Variants in LPP observed in about 807,000 individuals in gnomAD.
LPP encodes the protein lipoma-preferred partner.
A neutral mutation model predicts 60.4 loss-of-function variants in LPP; 38 were observed. The ratio of observed to expected loss-of-function variants is 0.63; its 90% confidence interval spans 0.49 to 0.83. The LOEUF is 0.83. LPP is among the 40% of genes least tolerant of loss of function. LPP has a pLI of 0.00. For missense variants in LPP, 902 were observed against 783.6 expected (o/e 1.15, Z -1.80); for synonymous variants, 328 against 290.8 (o/e 1.13, Z -1.30).
chr3:188,282,837 T>C (rs9839229), intron 2 of LPP, among the ~76,000 whole-genome samples: 87,350 of 151,984 alleles, frequency 0.57, 25,653 homozygotes, highest in Middle Eastern at 0.64. Flanking sequence ...CTTTCAGAGA[T>C]ACTTTCATAC....
chr3:188,754,892 T>C (rs1729631187), intron 8 of LPP, among the ~76,000 whole-genome samples: 1 of 152,218 alleles, frequency 6.6e-6, no homozygotes, highest in Admixed American at 6.5e-5. Flanking sequence ...GTTATCTTTT[T>C]GGGCCTTCAG....
intron 2 of LPP, among the ~76,000 whole-genome samples, chr3:188,284,159 A>G (rs1408542072): frequency 2.6e-5 from 4 of 151,858 alleles, no homozygotes; most frequent in African/African-American, 9.7e-5. Context: ...TGAGAGGCCA[A>G]GGTGGGCAAA....
At chr3:188,612,567 C>A (rs193130232) in intron 7 of LPP, among the ~76,000 whole-genome samples, 1 of 152,198 alleles carries the variant, frequency 6.6e-6, no homozygotes, top group Admixed American at 6.5e-5. Context: ...ACCATCTTTA[C>A]TAATTAATTA....
Position 188,828,321 on chromosome 3 carries a change from C to A in LPP, c.1411-37879C>A, listed in dbSNP as rs1166364083. 2.0e-5 allele frequency among the ~76,000 whole-genome samples: 3 copies of A among 151,684 alleles called. No individual in the cohort carries two copies. The East Asian group carries it at 5.8e-4, about 29-fold the overall frequency. ...GGCAGCCTGAGCTGGAATTAGAACC[C>A]CAGCTGCATGCAGTGGCTCATGCCT... On this transcript the variant is annotated intron_variant, in intron 9 of 11. Transcript: ENST00000617246.
chr3:188,351,368 G>C (rs1413356321), intron 3 of LPP, among the ~76,000 whole-genome samples: 1 of 152,176 alleles, frequency 6.6e-6, no homozygotes, highest in Non-Finnish European at 1.5e-5. Flanking sequence ...TGCATAGTTA[G>C]TGGCAGTTCT....
chr3:188,674,165 A>G (rs1857511090), intron 7 of LPP, among the ~76,000 whole-genome samples: 1 of 152,160 alleles, frequency 6.6e-6, no homozygotes. Flanking sequence ...ATACTTGGTT[A>G]AGTTTTCACA....
At chr3:188,439,856 G>C (rs1427313724) in intron 4 of LPP, among the ~76,000 whole-genome samples, 1 of 152,064 alleles carries the variant, frequency 6.6e-6, no homozygotes, top group Non-Finnish European at 1.5e-5. Flanking sequence ...ATAGGCTGTG[G>C]GCCTGTCCTA....
At chr3:188,803,460 T>G (rs1194323707) in intron 9 of LPP, among the ~76,000 whole-genome samples, 1 of 152,208 alleles carries the variant, frequency 6.6e-6, no homozygotes, top group Non-Finnish European at 1.5e-5. Context: ...TACTTTTAGG[T>G]GTTTTATTGT....
At chr3:188,814,171 G>A (rs1017519115) in intron 9 of LPP, among the ~76,000 whole-genome samples, 7 of 152,112 alleles carry the variant, frequency 4.6e-5, no homozygotes, top group African/African-American at 9.7e-5. Flanking sequence ...CTTCTCAATA[G>A]CATGTTAATA....
At chr3:188,859,038 G>A (rs910159375) in intron 9 of LPP, among the ~76,000 whole-genome samples, 53 of 145,108 alleles carry the variant, frequency 3.7e-4, no homozygotes, top group Admixed American at 3.1e-3. Flanking sequence ...GCAGTGAGCC[G>A]AGATCGCGCC....
At chr3:188,503,814 T>C (rs1317623882) in intron 5 of LPP, among the ~76,000 whole-genome samples, 3 of 152,336 alleles carry the variant, frequency 2.0e-5, no homozygotes, top group South Asian at 2.1e-4. Context: ...ATAATTTTAT[T>C]GAGGATCCCT....
chr3:188,636,697 G>A (rs563636427), intron 7 of LPP, among the ~76,000 whole-genome samples: 4 of 151,956 alleles, frequency 2.6e-5, no homozygotes, highest in South Asian at 2.1e-4. Context: ...CTCCCAGCAC[G>A]CAGCTGGAGA....
chr3:188,692,248 T>G (rs1259830253), intron 7 of LPP, among the ~76,000 whole-genome samples: 1 of 152,214 alleles, frequency 6.6e-6, no homozygotes, highest in African/African-American at 2.4e-5. Context: ...GCCTCATATA[T>G]GGGTTGACTT....
intron 6 of LPP, among the ~76,000 whole-genome samples, chr3:188,565,301 A>G (rs902712440): frequency 6.6e-6 from 1 of 151,984 alleles, no homozygotes; most frequent in African/African-American, 2.4e-5. Flanking sequence ...CACAGAGAGA[A>G]ATTTATAAAG....
intron 9 of LPP, among the ~76,000 whole-genome samples, chr3:188,815,760 C>T (rs1464516970): frequency 6.6e-6 from 1 of 152,160 alleles, no homozygotes; most frequent in Non-Finnish European, 1.5e-5. Context: ...AGTCTATTTT[C>T]CTTTAATCTG....
At chr3:188,671,304 A>T (rs1416291925) in intron 7 of LPP, among the ~76,000 whole-genome samples, 1 of 152,184 alleles carries the variant, frequency 6.6e-6, no homozygotes, top group Non-Finnish European at 1.5e-5. Context: ...ATTTTGGCAT[A>T]TTATCCCTTG....
chr3:188,184,220 G>A (rs995195952), intron 1 of LPP, among the ~76,000 whole-genome samples: 1 of 152,194 alleles, frequency 6.6e-6, no homozygotes, highest in Non-Finnish European at 1.5e-5. Context: ...AGGCTCTGAA[G>A]GATTTGATTT....
intron 9 of LPP, among the ~76,000 whole-genome samples, chr3:188,770,168 CTTTTTTTTTTT>C (rs57278260): frequency 5.1e-4 from 33 of 64,630 alleles, no homozygotes; most frequent in African/African-American, 1.3e-3. Flanking sequence ...AGTTATAATT[CTTTTTTTTTTT>C]TTTTTTTTTT....
intron 8 of LPP, chr3:188,743,672 A>G (rs1725197753): frequency 6.6e-6 from 1 of 152,168 alleles, no homozygotes; most frequent in African/African-American, 2.4e-5. Flanking sequence ...AAGATCCTTA[A>G]AAAGGCAGTG....
Sources: allele counts gnomAD v4.1 joint callset (sites outside exome capture counted in the v4.1 genomes callset), GRCh38; gene constraint gnomAD v4.1.1; transcripts MANE v1.5; gene names NCBI Gene and HGNC (gene_info 2026-07-23, HGNC 2026-07-21).